TDRD5: variants seen among roughly 807,000 people sequenced by gnomAD.
The protein encoded by TDRD5 is tudor domain containing 5.
TDRD5 carries 41 observed loss-of-function variants against 120.6 expected under a neutral mutation model. The ratio of observed to expected loss-of-function variants is 0.34; its 90% confidence interval spans 0.26 to 0.44. The LOEUF is 0.44. TDRD5 is among the 20% of genes least tolerant of loss of function. The pLI, the probability that TDRD5 is intolerant of heterozygous loss-of-function variation, is 1.00. For missense variants in TDRD5, 1,006 were observed against 1,221.2 expected, an observed-to-expected ratio of 0.82 and a Z score of 2.63; for synonymous variants, 430 against 433.7, an observed-to-expected ratio of 0.99 and a Z score of 0.11.
intron 3 of TDRD5, among the ~76,000 whole-genome samples, chr1:179,595,372 G>GTGAC (rs1309027955): frequency 6.6e-6 from 1 of 152,008 alleles, no homozygotes; most frequent in East Asian, 1.9e-4. Context: ...TTAGATTCAG[G>GTGAC]TGACCTTAAG....
Position 179,593,870 on chromosome 1 carries a change from A to G in TDRD5, c.640+3A>G. 1 of 1,610,408 alleles carries G rather than the reference A, an allele frequency of 6.2e-7. No homozygotes were observed. Among genetic ancestry groups the G allele is most frequent in the Non-Finnish European group, 8.5e-7 (1 of 1,177,558 alleles). On this transcript the variant is annotated splice_donor_region_variant and intron_variant, in intron 3 of 17. Coordinates refer to ENST00000444136, the MANE Select transcript of TDRD5 (RefSeq NM_001199085.3). ...AAAGCCGAGAGGATGTCCAGCAGGT[A>G]CGCATGTGAGCAAATGTTGGAGCAG...
intron 6 of TDRD5, among the ~76,000 whole-genome samples, chr1:179,624,569 A>G (rs1419091314): frequency 6.6e-6 from 1 of 152,248 alleles, no homozygotes; most frequent in Non-Finnish European, 1.5e-5. Flanking sequence ...AGGTCAAAAT[A>G]CAAGGTTAGT....
chr1:179,629,090 G>A (rs1406847018), intron 6 of TDRD5, among the ~76,000 whole-genome samples: 1 of 152,060 alleles, frequency 6.6e-6, no homozygotes, highest in Admixed American at 6.6e-5. Context: ...TTCTGAATAA[G>A]AGCTGTCAAG....
At position 179,652,158 on chromosome 1, in the gene TDRD5, G is replaced by A. The variant is rs746944796; in HGVS notation, c.2121G>A (p.Lys707=). Residue 707 remains lysine (K), a synonymous_variant, in exon 13 of 18, where the codon AAG becomes AAA. Transcript: ENST00000444136. ...SQQHYFNEDR[K]ISPQSKESEL... is the part of the protein sequence containing the mutation. The stretch of plus-strand genomic sequence containing the variant: ...AGCACTATTTTAATGAAGACCGAAA[G>A]ATAAGTCCACAGTCAAAAGAGAGTG... 1.3e-5 allele frequency: 21 copies of A among 1,613,542 alleles called. No homozygotes were observed. The highest frequency in any genetic ancestry group is 1.7e-5 in the Non-Finnish European group (20 of 1,179,904).
chr1:179,634,311 A>G lies in TDRD5; in HGVS notation c.1127-146A>G. 4 of 752,074 alleles carry G rather than the reference A, an allele frequency of 5.3e-6. No homozygotes were observed. In the South Asian group the frequency reaches 7.2e-5, roughly 14 times the overall value. 46.6% of individuals were successfully genotyped at this position (752,074 alleles called of 1,614,324 possible). ...GAAAGGTCTGCAAGGACAGGTTTGT[A>G]TCTCTCATTTATCATTGTCTTTCTA... is the stretch of plus-strand genomic sequence containing the variant. On this transcript the variant is annotated intron_variant, in intron 7 of 17. Coordinates refer to ENST00000444136, the MANE Select transcript of TDRD5 (RefSeq NM_001199085.3).
intron 17 of TDRD5, among the ~76,000 whole-genome samples, chr1:179,686,597 A>G (rs555742542): frequency 4.8e-4 from 73 of 152,158 alleles, no homozygotes; most frequent in Non-Finnish European, 1.5e-4. Context: ...CTATTGATTG[A>G]AATAGTTTCA....
At chr1:179,627,227 A>T (rs1190337121) in intron 6 of TDRD5, among the ~76,000 whole-genome samples, 2 of 152,198 alleles carry the variant, frequency 1.3e-5, no homozygotes, top group Non-Finnish European at 2.9e-5. Flanking sequence ...TCTTGTTCCC[A>T]TGAGCCCTTC....
intron 4 of TDRD5, among the ~76,000 whole-genome samples, chr1:179,601,918 G>A (rs192953977): frequency 5.6e-4 from 86 of 152,310 alleles, no homozygotes; most frequent in Middle Eastern, 6.8e-3. Context: ...CAGTTCTCCT[G>A]TCTCAGCCTC....
chr1:179,639,968 C>T lies in TDRD5; in HGVS notation c.1650C>T (p.Val550=). ...GGTATCGGGTCATTATCCATCGAGTCCTTGAGAAACAGGAAGTTGAAGTGT... is the reference window on the plus strand; with the variant it reads ...GGTATCGGGTCATTATCCATCGAGTTCTTGAGAAACAGGAAGTTGAAGTGT... ...KWWYRVIIHR[V]LEKQEVEVFY... The change falls in exon 10 of 18, where the codon GTC becomes GTT. Residue 550 remains valine, a synonymous_variant. Transcript: ENST00000444136. The T allele has an allele frequency of 1.2e-6, 2 of 1,614,010 alleles. No individual in the cohort carries two copies. The highest frequency in any genetic ancestry group is 1.7e-6 in the Non-Finnish European group (2 of 1,179,978).
rs1677612822 is a variant in TDRD5 at position 179,634,035 on chromosome 1, G to A, written c.1127-422G>A. On this transcript the variant is annotated intron_variant, in intron 7 of 17. Coordinates refer to ENST00000444136, the MANE Select transcript of TDRD5 (RefSeq NM_001199085.3). ...AAATACAAGAAATTAGCCCGGCATG[G>A]TGGCGGGTGCCTGTAGTCCCAGCTA... Among the ~76,000 whole-genome samples the A allele has an allele frequency of 2.0e-5, 3 of 151,924 alleles. No individual in the cohort carries two copies. The South Asian group carries it at 6.2e-4, about 32-fold the overall frequency.
chr1:179,657,795 C>T (rs1373030215), intron 14 of TDRD5, among the ~76,000 whole-genome samples: 1 of 151,994 alleles, frequency 6.6e-6, no homozygotes, highest in Non-Finnish European at 1.5e-5. Flanking sequence ...TACACTGTAG[C>T]ATGTATAAGT....
chr1:179,688,102 T>G (rs555815759), intron 17 of TDRD5, among the ~76,000 whole-genome samples: 2 of 152,350 alleles, frequency 1.3e-5, no homozygotes, highest in South Asian at 4.1e-4. Context: ...GTTAGCTGGT[T>G]ATTTTGCCCG....
intron 16 of TDRD5, among the ~76,000 whole-genome samples, chr1:179,665,931 C>T (rs1467262332): frequency 6.6e-6 from 1 of 152,124 alleles, no homozygotes; most frequent in African/African-American, 2.4e-5. Flanking sequence ...GTATCTTCAG[C>T]CTCTTTCTAC....
In TDRD5 at chr1:179,663,371, A is replaced by G. The variant is rs758689546; in HGVS notation, c.2529A>G (p.Lys843=). 2.5e-6 allele frequency: 4 copies of G among 1,613,048 alleles called. No individual in the cohort carries two copies. In the Admixed American group the frequency reaches 6.7e-5, roughly 27 times the overall value. The change falls in exon 16 of 18, where the codon AAA becomes AAG. Residue 843 remains lysine (K), a synonymous_variant. Transcript: ENST00000444136. ...AGGACTGGTGTTTTTCTACCCCTAA[A>G]GATACATGGGATGATTCTTGGCAGC... ...PQKDWCFSTP[K]DTWDDSWQPS... is the part of the protein sequence containing the mutation.
At chr1:179,682,095 A>G (rs964915881) in intron 17 of TDRD5, among the ~76,000 whole-genome samples, 2 of 148,582 alleles carry the variant, frequency 1.3e-5, no homozygotes, top group Non-Finnish European at 3.0e-5. Flanking sequence ...ATTCTATCAT[A>G]TATATAACTT....
At chr1:179,645,076 CTTTTTTT>C (rs71569261) in intron 11 of TDRD5, among the ~76,000 whole-genome samples, 2 of 99,570 alleles carry the variant, frequency 2.0e-5, no homozygotes, top group African/African-American at 4.1e-5. Context: ...AAACATTTTT[CTTTTTTT>C]TTTTTTTTTT....
chr1:179,639,027 C>A (rs1397566526), intron 9 of TDRD5, among the ~76,000 whole-genome samples: 4 of 152,108 alleles, frequency 2.6e-5, no homozygotes. Flanking sequence ...TGGAAATATT[C>A]GAGTTTTGAA....
At chr1:179,623,412 G>A (rs1676940122) in intron 6 of TDRD5, among the ~76,000 whole-genome samples, 2 of 152,176 alleles carry the variant, frequency 1.3e-5, no homozygotes, top group South Asian at 2.1e-4. Context: ...AAAATGTAAT[G>A]CATATGAAAA....
intron 7 of TDRD5, among the ~76,000 whole-genome samples, chr1:179,633,361 T>C (rs1007376282): frequency 2.0e-5 from 3 of 152,012 alleles, no homozygotes; most frequent in Admixed American, 2.0e-4. Flanking sequence ...TGGAATCTTT[T>C]TTTTTTTTGA....
Sources: allele counts gnomAD v4.1 joint callset (sites outside exome capture counted in the v4.1 genomes callset), GRCh38; gene constraint gnomAD v4.1.1; transcripts MANE v1.5; gene names NCBI Gene and HGNC (gene_info 2026-07-23, HGNC 2026-07-21).